The following MSANTD2 variants were observed in gnomAD, a reference collection of about 807,000 sequenced individuals.
MSANTD2 encodes myb/SANT-like DNA-binding domain-containing protein 2.
A neutral mutation model predicts 52.6 loss-of-function variants in MSANTD2; 19 were observed. The observed-to-expected ratio is 0.36, with a 90% CI of 0.25 to 0.53. The LOEUF (loss-of-function observed/expected upper bound fraction) is 0.53, where lower values mean the gene tolerates loss of function less well. Among genes scored for constraint, MSANTD2 ranks in the 20% least tolerant of loss-of-function variants. The pLI is 0.91. For missense variants in MSANTD2, 558 were observed against 716.3 expected (o/e 0.78, Z 2.52); for synonymous variants, 291 against 289.7 (o/e 1.00, Z -0.04).
At chr11:124,786,989 CTA>C (rs1193086626) in intron 1 of MSANTD2, among the ~76,000 whole-genome samples, 1 of 152,182 alleles carries the variant, frequency 6.6e-6, no homozygotes, top group African/African-American at 2.4e-5. Flanking sequence ...ACAAATTAAT[CTA>C]TCTGTGCCTT....
chr11:124,767,167 G>A lies in MSANTD2; in HGVS notation c.*9C>T, dbSNP rs1210631112. 1 of 1,582,478 alleles carries A rather than the reference G, an allele frequency of 6.3e-7. No individual in the cohort carries two copies. Among genetic ancestry groups the A allele is most frequent in the Admixed American group, 1.8e-5 (1 of 55,246 alleles). On this transcript the variant is annotated 3_prime_UTR_variant, in exon 4 of 4. Coordinates refer to ENST00000374979, the MANE Select transcript of MSANTD2 (RefSeq NM_001308027.2). This position sits in a 1 kb window ranked among gnomAD's most constrained non-coding sequence, Gnocchi z 6.5. ...AGCTAAGAGCCCAAATCCTTATGAA[G>A]GATGACATTCAGTTGTTAAATTTTA...
chr11:124,776,606 A>G (rs538629758), intron 1 of MSANTD2, among the ~76,000 whole-genome samples: 1 of 152,370 alleles, frequency 6.6e-6, no homozygotes, highest in East Asian at 1.9e-4. Context: ...CAGGAAGTTC[A>G]GTATCTTTAA....
At chr11:124,785,799 T>C (rs1350991724) in intron 1 of MSANTD2, among the ~76,000 whole-genome samples, 1 of 151,122 alleles carries the variant, frequency 6.6e-6, no homozygotes, top group Non-Finnish European at 1.5e-5. Flanking sequence ...TATTAAGATA[T>C]ATGTATCATA....
At chr11:124,768,212 C>G (rs904327248) in intron 3 of MSANTD2, among the ~76,000 whole-genome samples, 184 bp from the exon 4 acceptor site, 1 of 152,184 alleles carries the variant, frequency 6.6e-6, no homozygotes, top group African/African-American at 2.4e-5. Flanking sequence ...TAAATAGCCA[C>G]ATGTGACTAG....
chr11:124,767,739 A>G lies in MSANTD2; in HGVS notation c.1117T>C (p.Tyr373His). The G allele has an allele frequency of 1.9e-6, 3 of 1,614,250 alleles. No individual in the cohort carries two copies. The highest frequency in any genetic ancestry group is 2.5e-6 in the Non-Finnish European group (3 of 1,180,040). The change falls in exon 4 of 4, where the codon TAC (tyrosine) becomes CAC (histidine). Residue 373 changes from tyrosine (Y) to histidine (H), a missense_variant. Around this residue, in one of 2 missense-constraint regions of MSANTD2, gnomAD observed 408 missense variants for 573.6 expected, o/e 0.71. Coordinates refer to ENST00000374979, the MANE Select transcript of MSANTD2 (RefSeq NM_001308027.2). The surrounding 1 kb of genome is among the most constrained non-coding windows in gnomAD (Gnocchi z 6.5). ...CTAATAGTGATCTCTAAAAATTTGT[A>G]GTAAACATTTTTCCAGTTCATTTTC... is the stretch of plus-strand genomic sequence containing the variant. ...VQKMNWKNVY[Y>H]KFLEITISEA...
chr11:124,770,359 G>A (rs1246097695), intron 3 of MSANTD2, among the ~76,000 whole-genome samples: 1 of 150,082 alleles, frequency 6.7e-6, no homozygotes, highest in Non-Finnish European at 1.5e-5. Context: ...CACCCAGGCT[G>A]GAATGCATGA....
intron 1 of MSANTD2, among the ~76,000 whole-genome samples, chr11:124,797,083 G>T (rs995030171): frequency 1.3e-5 from 2 of 152,192 alleles, no homozygotes; most frequent in African/African-American, 4.8e-5. Context: ...GTATTCTTCA[G>T]ACTGGGTTCC....
In MSANTD2 at chr11:124,767,653, T is replaced by C; in HGVS notation, c.1203A>G (p.Lys401=). 6.2e-7 allele frequency: 1 copy of C among 1,614,228 alleles called. No individual in the cohort carries two copies. The highest frequency in any genetic ancestry group is 1.1e-5 in the South Asian group (1 of 91,090). Reference sequence around the variant, plus strand: ...ATTGAACAACATTCCCACCAGTTGGTTTGGAGTGGGCAATGGGTATCCAGT... The same window carrying C: ...ATTGAACAACATTCCCACCAGTTGGCTTGGAGTGGGCAATGGGTATCCAGT... The part of the protein sequence containing the change: ...EIDWIPIAHS[K]PTGGNVVQYL... The change falls in exon 4 of 4, where the codon AAA becomes AAG. Residue 401 remains lysine, a synonymous_variant. Coordinates refer to ENST00000374979, the MANE Select transcript of MSANTD2 (RefSeq NM_001308027.2). The surrounding 1 kb of genome is among the most constrained non-coding windows in gnomAD (Gnocchi z 6.5).
At chr11:124,770,302 T>G (rs934011873) in intron 3 of MSANTD2, among the ~76,000 whole-genome samples, 15 of 139,254 alleles carry the variant, frequency 1.1e-4, no homozygotes, top group African/African-American at 4.3e-4. Flanking sequence ...AACTCTTTTT[T>G]TTTGTTTGTT....
intron 1 of MSANTD2, chr11:124,784,033 T>G (rs1455207717): frequency 1.0e-6 from 1 of 985,102 alleles, no homozygotes. Flanking sequence ...TTTACAAGAA[T>G]ACAGGTCAAA....
Position 124,767,583 on chromosome 11 carries a change from T to C in MSANTD2, c.1273A>G (p.Ile425Val). The C allele has an allele frequency of 6.2e-7, 1 of 1,614,156 alleles. No individual in the cohort carries two copies. Among genetic ancestry groups the C allele is most frequent in the South Asian group, 1.1e-5 (1 of 91,080 alleles). The change falls in exon 4 of 4, where the codon ATT becomes GTT. Residue 425 changes from isoleucine to valine, a missense_variant. Ile to Val is a conservative substitution (Grantham distance 29, BLOSUM62 3). Coordinates refer to ENST00000374979, the MANE Select transcript of MSANTD2 (RefSeq NM_001308027.2). The surrounding 1 kb of genome is among the most constrained non-coding windows in gnomAD (Gnocchi z 6.5). Reference protein sequence around the residue: ...GIPKSPGLYAIGYEECIERPL... With the variant: ...GIPKSPGLYAVGYEECIERPL... ...CTCTCAATACATTCTTCATAGCCAA[T>C]GGCATAAAGGCCTGGGCTTTTAGGA...
chr11:124,774,044 C>G lies in MSANTD2; in HGVS notation c.766+675G>C, dbSNP rs1242654653. Among the ~76,000 whole-genome samples the G allele has an allele frequency of 1.3e-4, 20 of 152,216 alleles. No homozygotes were observed. Among genetic ancestry groups the G allele is most frequent in the Admixed American group, 9.2e-4 (14 of 15,282 alleles). On this transcript the variant is annotated intron_variant, in intron 2 of 3. Coordinates refer to ENST00000374979, the MANE Select transcript of MSANTD2 (RefSeq NM_001308027.2). The surrounding 1 kb of genome is among the most constrained non-coding windows in gnomAD (Gnocchi z 5.1). ...CATATATACTCTTAGTTAGGCCCTACAAGTTTAGATTTGATGACCAGGAAT... is the reference window on the plus strand; with the variant it reads ...CATATATACTCTTAGTTAGGCCCTAGAAGTTTAGATTTGATGACCAGGAAT...
At chr11:124,785,826 C>A (rs1169516778) in intron 1 of MSANTD2, among the ~76,000 whole-genome samples, 1 of 150,520 alleles carries the variant, frequency 6.6e-6, no homozygotes, top group Non-Finnish European at 1.5e-5. Context: ...TATGGTACAC[C>A]CCTATTTTAC....
At chr11:124,783,949 T>C (rs950029505) in intron 1 of MSANTD2, 2 of 985,424 alleles carry the variant, frequency 2.0e-6, no homozygotes, top group Non-Finnish European at 2.4e-6. Flanking sequence ...ACACCTAGCA[T>C]GCATGTTCAT....
At chr11:124,784,021 T>A in intron 1 of MSANTD2, 1 of 985,394 alleles carries the variant, frequency 1.0e-6, no homozygotes, top group East Asian at 1.1e-4. Context: ...AGTGCTTTTC[T>A]ATTTACAAGA....
At chr11:124,798,960 T>C (rs752734235) in intron 1 of MSANTD2, among the ~76,000 whole-genome samples, 27 of 152,166 alleles carry the variant, frequency 1.8e-4, no homozygotes, top group Non-Finnish European at 2.1e-4. Context: ...CTGCCAATAA[T>C]ACAAATATGA....
rs565100963 is a variant in MSANTD2 at position 124,778,014 on chromosome 11, C to T, written c.511-3040G>A. Among the ~76,000 whole-genome samples the T allele has an allele frequency of 8.5e-5, 13 of 152,234 alleles. No homozygotes were observed. The South Asian group carries it at 2.7e-3, about 32-fold the overall frequency. ...ATGGATAAAAAGGAACTATGGAGAC[C>T]TTCCAATTATCACCCACAATAAAGC... is the stretch of plus-strand genomic sequence containing the variant. On this transcript the variant is annotated intron_variant, in intron 1 of 3. Coordinates refer to ENST00000374979, the MANE Select transcript of MSANTD2 (RefSeq NM_001308027.2).
chr11:124,767,742 A>G lies in MSANTD2; in HGVS notation c.1114T>C (p.Tyr372His). Reference protein sequence around the residue: ...RVQKMNWKNVYYKFLEITISE... With the variant: ...RVQKMNWKNVHYKFLEITISE... ...ATAGTGATCTCTAAAAATTTGTAGTAAACATTTTTCCAGTTCATTTTCTGC... is the reference window on the plus strand; with the variant it reads ...ATAGTGATCTCTAAAAATTTGTAGTGAACATTTTTCCAGTTCATTTTCTGC... The change falls in exon 4 of 4, where the codon TAC (tyrosine) becomes CAC (histidine). Residue 372 changes from tyrosine to histidine, a missense_variant. Physicochemically the swap from Tyr to His is moderately conservative, Grantham distance 83. This residue lies in a region of MSANTD2 where 408 missense variants were observed against 573.6 expected (regional missense o/e 0.71). Coordinates refer to ENST00000374979, the MANE Select transcript of MSANTD2 (RefSeq NM_001308027.2). The surrounding 1 kb of genome is among the most constrained non-coding windows in gnomAD (Gnocchi z 6.5). The G allele has an allele frequency of 1.2e-6, 2 of 1,614,250 alleles. No homozygotes were observed. Among genetic ancestry groups the G allele is most frequent in the Non-Finnish European group, 1.7e-6 (2 of 1,180,038 alleles).
At chr11:124,770,661 A>G (rs1257154375) in intron 3 of MSANTD2, among the ~76,000 whole-genome samples, 3 of 152,044 alleles carry the variant, frequency 2.0e-5, no homozygotes, top group East Asian at 1.9e-4. Flanking sequence ...GCTGGAGTGC[A>G]GTGGCACCAT....
Sources: gnomAD v4.1 joint callset for allele counts (sites outside exome capture counted in the v4.1 genomes callset) on GRCh38, gnomAD v4.1.1 for gene constraint, gnomAD v4.1.1 regional missense constraint, Gnocchi (gnomAD v3.1) non-coding constraint, MANE v1.5 for transcripts, NCBI Gene and HGNC (gene_info 2026-07-23, HGNC 2026-07-21) for gene names.